The following PDZRN3 variants were observed in gnomAD, a reference collection of about 807,000 sequenced individuals.
PDZRN3 encodes the protein PDZ domain containing ring finger 3.
PDZRN3 carries 38 observed loss-of-function variants against 85.7 expected under a neutral mutation model. The ratio of observed to expected loss-of-function variants is 0.44; its 90% CI spans 0.34 to 0.58. The LOEUF (loss-of-function observed/expected upper bound fraction) is 0.58. PDZRN3 is among the 20% of genes least tolerant of loss of function. The pLI, the probability that PDZRN3 is intolerant of heterozygous loss-of-function variation, is 0.01. For missense variants in PDZRN3, 1,629 were observed against 1,506.4 expected (o/e 1.08, Z -1.35); for synonymous variants, 759 against 638.0 (o/e 1.19, Z -2.86).
chr3:73,409,654 G>A (rs771927671), intron 3 of PDZRN3, among the ~76,000 whole-genome samples: 51 of 152,274 alleles, frequency 3.3e-4, no homozygotes, highest in Middle Eastern at 3.4e-3. Flanking sequence ...ACGATGGAAT[G>A]CTAGCCGGGC....
At chr3:73,408,339 G>A (rs1371491969) in intron 3 of PDZRN3, 1 of 623,944 alleles carries the variant, frequency 1.6e-6, no homozygotes, top group Non-Finnish European at 2.9e-6. Flanking sequence ...ATGCCTAAAT[G>A]CCAATAATAA....
intron 3 of PDZRN3, among the ~76,000 whole-genome samples, chr3:73,463,980 ATTT>A (rs1221744402): frequency 6.6e-6 from 1 of 151,950 alleles, no homozygotes; most frequent in East Asian, 1.9e-4. Flanking sequence ...ATTCTTTTTT[ATTT>A]TTTATTTATT....
At chr3:73,596,004 A>T (rs1452169638) in intron 3 of PDZRN3, among the ~76,000 whole-genome samples, 2 of 152,170 alleles carry the variant, frequency 1.3e-5, no homozygotes, top group Non-Finnish European at 2.9e-5. Context: ...CCACTAAATG[A>T]AGCTAGAGGT....
At chr3:73,511,639 C>T (rs1704166725) in intron 3 of PDZRN3, among the ~76,000 whole-genome samples, 1 of 152,238 alleles carries the variant, frequency 6.6e-6, no homozygotes. Flanking sequence ...GCATTTCTCA[C>T]TGCCCTAAAG....
At chr3:73,545,791 T>C (rs1379237692) in intron 3 of PDZRN3, among the ~76,000 whole-genome samples, 1 of 152,152 alleles carries the variant, frequency 6.6e-6, no homozygotes, top group Non-Finnish European at 1.5e-5. Context: ...GCTTTTAGTG[T>C]GTGGATTTTG....
chr3:73,472,932 C>A (rs1703374491), intron 3 of PDZRN3, among the ~76,000 whole-genome samples: 1 of 152,016 alleles, frequency 6.6e-6, no homozygotes, highest in South Asian at 2.1e-4. Flanking sequence ...CAAGATATAC[C>A]ATGTTGGTCT....
chr3:73,590,161 T>G (rs1575753396), intron 3 of PDZRN3, among the ~76,000 whole-genome samples: 2 of 149,134 alleles, frequency 1.3e-5, no homozygotes, highest in East Asian at 2.0e-4. Context: ...CCCAGCTACT[T>G]GGGGGGCTGA....
intron 3 of PDZRN3, chr3:73,408,200 C>A (rs948428875): frequency 3.3e-5 from 23 of 703,000 alleles, no homozygotes; most frequent in African/African-American, 2.6e-4. Flanking sequence ...ATGAAGCCAG[C>A]GTTGGAATCC....
rs1703298784 is a variant in PDZRN3, at chr3:73,383,442, C to A, written c.3124G>T (p.Glu1042Ter). ...KIFDNWMTIQ[E>*]LLTHGTKSPD... ...GATTTTGTGCCGTGGGTTAAGAGTT[C>A]TTGGATCGTCATCCAGTTATCGAAG... Residue 1042 changes from glutamate (E) to a stop codon, truncating the protein, a stop_gained, in exon 10 of 10, where the codon GAA becomes TAA. Coordinates refer to ENST00000263666, the MANE Select transcript of PDZRN3 (RefSeq NM_015009.3). LOFTEE classifies it high-confidence loss of function. 6.2e-7 allele frequency: 1 copy of A among 1,614,048 alleles called. No individual in the cohort carries two copies. The highest frequency in any genetic ancestry group is 1.1e-5 in the South Asian group (1 of 91,090).
At chr3:73,444,742 T>C (rs962021218) in intron 3 of PDZRN3, among the ~76,000 whole-genome samples, 31 of 152,150 alleles carry the variant, frequency 2.0e-4, no homozygotes, top group African/African-American at 7.5e-4. Context: ...GTAACTACAA[T>C]ATAACTCTTG....
At chr3:73,506,529 AGC>A (rs1704072499) in intron 3 of PDZRN3, among the ~76,000 whole-genome samples, 1 of 152,230 alleles carries the variant, frequency 6.6e-6, no homozygotes, top group Non-Finnish European at 1.5e-5. Flanking sequence ...GATAACAATC[AGC>A]TACTCAAATA....
chr3:73,387,092 T>C (rs1380779549), intron 8 of PDZRN3, among the ~76,000 whole-genome samples: 2 of 152,244 alleles, frequency 1.3e-5, no homozygotes, highest in African/African-American at 4.8e-5. Flanking sequence ...CTCTCTTCCC[T>C]GCTGCCACGT....
intron 3 of PDZRN3, among the ~76,000 whole-genome samples, chr3:73,444,232 C>T (rs1424759807): frequency 6.6e-6 from 1 of 152,194 alleles, no homozygotes; most frequent in East Asian, 1.9e-4. Context: ...CTCCATCCTT[C>T]CAATCCCATG....
intron 3 of PDZRN3, among the ~76,000 whole-genome samples, chr3:73,504,377 A>G (rs1242270161): frequency 2.0e-5 from 3 of 152,238 alleles, no homozygotes; most frequent in Non-Finnish European, 4.4e-5. Flanking sequence ...AGCCCTTCTC[A>G]GGAGAACCAC....
chr3:73,621,484 T>C (rs1371372252), intron 1 of PDZRN3, among the ~76,000 whole-genome samples: 2 of 152,148 alleles, frequency 1.3e-5, no homozygotes, highest in African/African-American at 4.8e-5. Flanking sequence ...GAATAAACAG[T>C]ACCCAGCAGG....
intron 3 of PDZRN3, among the ~76,000 whole-genome samples, chr3:73,507,542 T>C (rs1427361830): frequency 6.6e-6 from 1 of 152,224 alleles, no homozygotes; most frequent in Non-Finnish European, 1.5e-5. Context: ...TATTGTGAGA[T>C]GACAGGTTAC....
intron 8 of PDZRN3, among the ~76,000 whole-genome samples, chr3:73,386,796 C>A (rs1576019647): frequency 6.6e-6 from 1 of 152,300 alleles, no homozygotes; most frequent in East Asian, 1.9e-4. Context: ...CTGAAGTTCC[C>A]TTTGAGCTCA....
At chr3:73,493,872 G>A (rs1478473419) in intron 3 of PDZRN3, among the ~76,000 whole-genome samples, 2 of 152,194 alleles carry the variant, frequency 1.3e-5, no homozygotes, top group African/African-American at 4.8e-5. Context: ...GCTGTGACAG[G>A]ATCAATCTTG....
At chr3:73,597,678 C>G (rs531100044) in intron 3 of PDZRN3, among the ~76,000 whole-genome samples, 1 of 148,422 alleles carries the variant, frequency 6.7e-6, no homozygotes, top group Non-Finnish European at 1.5e-5. Flanking sequence ...CTCTACAAGT[C>G]TTTGAGAAAG....
Sources: gnomAD v4.1 joint callset for allele counts (sites outside exome capture counted in the v4.1 genomes callset) on GRCh38, gnomAD v4.1.1 for gene constraint, MANE v1.5 for transcripts, NCBI Gene and HGNC (gene_info 2026-07-23, HGNC 2026-07-21) for gene names.